Variants in ATIC observed in about 807,000 individuals in gnomAD.
The protein encoded by ATIC is bifunctional purine biosynthesis protein ATIC.
Under a neutral mutation model 72.5 loss-of-function variants are expected in ATIC, and 64 were observed. The ratio of observed to expected loss-of-function variants is 0.88; its 90% CI spans 0.72 to 1.09. ATIC has a LOEUF of 1.09. Ranked by LOEUF, ATIC falls within the 50% of genes least tolerant of loss-of-function variation. The pLI, the probability that ATIC is intolerant of heterozygous loss-of-function variation, is 0.00. For synonymous variants in ATIC, 281 were observed against 267.1 expected (o/e 1.05, Z -0.51); for missense variants, 787 against 732.4 (o/e 1.07, Z -0.86).
chr2:215,325,205 T>G (rs370646845), intron 4 of ATIC, 36 bp from the exon 5 acceptor site: 106 of 1,558,010 alleles, frequency 6.8e-5, no homozygotes, highest in Admixed American at 1.2e-4. Context: ...ATGAGTGGAC[T>G]TTTTAATGAC....
In ATIC at chr2:215,312,615, T is replaced by G; in HGVS notation, c.137T>G (p.Leu46Arg). 6.2e-7 allele frequency: 1 copy of G among 1,614,232 alleles called. No homozygotes were observed. The highest frequency in any genetic ancestry group is 8.5e-7 in the Non-Finnish European group (1 of 1,180,040). Residue 46 changes from leucine to arginine, a missense_variant, in exon 2 of 16, where the codon CTG becomes CGG. Transcript: ENST00000236959. ...GTAKALRDAG[L>R]AVRDVSELTG... ...GCAAAAGCTCTCAGGGATGCTGGTC[T>G]GGCAGTCAGGTAAGGCATAGCTAGT...
At chr2:215,361,915 T>C in the ATIC span, 1 of 1,605,970 alleles carries the variant, frequency 6.2e-7, no homozygotes, top group Non-Finnish European at 8.5e-7. Flanking sequence ...AAGATACCTG[T>C]AGAAAGAGAC....
At position 215,349,198 on chromosome 2, in the gene ATIC, C is replaced by A. The variant is rs141387695; in HGVS notation, c.1608C>A (p.Ile536=). The part of the protein sequence containing the change: ...EWVEKLTEVS[I]SSDAFFPFRD... ...TTGAGAAACTGACTGAAGTTTCTATCAGCTCTGATGCCTTCTTCCCTTTCC... is the reference window on the plus strand; with the variant it reads ...TTGAGAAACTGACTGAAGTTTCTATAAGCTCTGATGCCTTCTTCCCTTTCC... Residue 536 remains isoleucine (I), a synonymous_variant, in exon 15 of 16, where the codon ATC becomes ATA. Transcript: ENST00000236959. 4 of 1,614,058 alleles carry A rather than the reference C, an allele frequency of 2.5e-6. No individual in the cohort carries two copies. The African/African-American group carries it at 5.3e-5, about 22-fold the overall frequency.
intron 2 of ATIC, 144 bp downstream of exon 2, chr2:215,312,768 GA>G (rs2052668242): frequency 2.0e-5 from 26 of 1,324,764 alleles, no homozygotes; most frequent in South Asian, 6.4e-5. Flanking sequence ...ACTTTATGGG[GA>G]AAAAAAGTGA....
intron 13 of ATIC, among the ~76,000 whole-genome samples, chr2:215,346,521 G>A (rs1040756265): frequency 6.7e-6 from 1 of 149,674 alleles, no homozygotes; most frequent in African/African-American, 2.5e-5. Context: ...TTATTGAATT[G>A]TAGATTATTA....
In ATIC at chr2:215,337,431, A is replaced by G. The variant is rs188873015; in HGVS notation, c.1098+1307A>G. Among the ~76,000 whole-genome samples the G allele has an allele frequency of 5.6e-3, 852 of 152,116 alleles. 3 individuals are homozygous for G. The highest frequency in any genetic ancestry group is 7.8e-3 in the Non-Finnish European group (529 of 67,998). ...GCCCAGGCTAGAGTGCAGTGGTGTGATCTTGGCTCACTGCAACCTCTGCCT... is the reference window on the plus strand; with the variant it reads ...GCCCAGGCTAGAGTGCAGTGGTGTGGTCTTGGCTCACTGCAACCTCTGCCT... On this transcript the variant is annotated intron_variant, in intron 11 of 15. Coordinates refer to ENST00000236959, the MANE Select transcript of ATIC (RefSeq NM_004044.7).
intron 11 of ATIC, among the ~76,000 whole-genome samples, chr2:215,338,076 A>G (rs1227321914): frequency 6.6e-6 from 1 of 152,228 alleles, no homozygotes; most frequent in Non-Finnish European, 1.5e-5. Context: ...CTTATAAATT[A>G]TATGTCAGGG....
chr2:215,338,177 G>T (rs2052977641), intron 11 of ATIC, among the ~76,000 whole-genome samples: 2 of 152,160 alleles, frequency 1.3e-5, no homozygotes, highest in Non-Finnish European at 2.9e-5. Context: ...TACACGTATT[G>T]TTCCACACAC....
At position 215,322,316 on chromosome 2, in the gene ATIC, G is replaced by A. The variant is rs2052776521; in HGVS notation, c.290+2585G>A. 2.0e-5 allele frequency among the ~76,000 whole-genome samples: 3 copies of A among 147,394 alleles called. No homozygotes were observed. The South Asian group carries it at 6.4e-4, about 31-fold the overall frequency. Reference sequence around the variant, plus strand: ...AATCCTCAGTGATGAAGATTTTTGTGTATATTTTCTTTCTTTTTTTTTTTT... The same window carrying A: ...AATCCTCAGTGATGAAGATTTTTGTATATATTTTCTTTCTTTTTTTTTTTT... On this transcript the variant is annotated intron_variant, in intron 4 of 15. Coordinates refer to ENST00000236959, the MANE Select transcript of ATIC (RefSeq NM_004044.7).
At position 215,342,161 on chromosome 2, in the gene ATIC, A is replaced by C. The variant is rs546352229; in HGVS notation, c.1228-2618A>C. Among the ~76,000 whole-genome samples the C allele has an allele frequency of 2.0e-5, 3 of 152,318 alleles. No homozygotes were observed. In the East Asian group the frequency reaches 5.8e-4, roughly 29 times the overall value. ...TGAGATTTAGGTGGGGACACAGCCA[A>C]ACCGTATCACCAAGATTATCTTTGA... On this transcript the variant is annotated intron_variant, in intron 12 of 15. Coordinates refer to ENST00000236959, the MANE Select transcript of ATIC (RefSeq NM_004044.7).
downstream of ATIC, among the ~76,000 whole-genome samples, chr2:215,350,379 C>T (rs10932612): frequency 0.59 from 90,388 of 151,984 alleles, 27,021 homozygotes; most frequent in East Asian, 0.72. Flanking sequence ...ATGATCCACC[C>T]GCCCTGGCCT....
rs140306079 is a variant in ATIC, at chr2:215,337,969, A to C, written c.1099-810A>C. Among the ~76,000 whole-genome samples, 4 of 152,236 alleles carry C rather than the reference A, an allele frequency of 2.6e-5. No individual in the cohort carries two copies. The South Asian group carries it at 8.3e-4, about 31-fold the overall frequency. On this transcript the variant is annotated intron_variant, in intron 11 of 15. Coordinates refer to ENST00000236959, the MANE Select transcript of ATIC (RefSeq NM_004044.7). ...TCCTAGCATCAGTTAATAGGAGAGC[A>C]TATCAATTTTAGAAATTTTATAGTG...
chr2:215,361,618 A>AT, the ATIC span: 1 of 1,610,506 alleles, frequency 6.2e-7, no homozygotes, highest in South Asian at 1.1e-5. Flanking sequence ...CAATTGGGCA[A>AT]TTAACATTCT....
At chr2:215,346,279 A>C (rs1208994760) in intron 13 of ATIC, among the ~76,000 whole-genome samples, 1 of 152,124 alleles carries the variant, frequency 6.6e-6, no homozygotes, top group East Asian at 1.9e-4. Context: ...CTACCACTTC[A>C]GCCTCCTGAG....
intron 14 of ATIC, chr2:215,347,724 G>T (rs1463849446): frequency 6.3e-6 from 3 of 473,836 alleles, no homozygotes; most frequent in Non-Finnish European, 1.3e-5. Flanking sequence ...GGATTTTTCT[G>T]TTTGATATTA....
rs114313573 is a variant in ATIC, at chr2:215,321,239, G to A, written c.290+1508G>A. On this transcript the variant is annotated intron_variant, in intron 4 of 15. Transcript: ENST00000236959. ...TATAAATAGAATCTAACAATATATG[G>A]TTTTTTTGTTCCTGGCTTCTTTCAC... 4.1e-3 allele frequency among the ~76,000 whole-genome samples: 626 copies of A among 152,182 alleles called. 4 individuals carry two copies. Among genetic ancestry groups the A allele is most frequent in the African/African-American group, 0.014 (596 of 41,524 alleles).
Position 215,349,121 on chromosome 2 carries a change from C to T in ATIC, c.1531C>T (p.Leu511=). 6.2e-7 allele frequency: 1 copy of T among 1,614,050 alleles called. No individual in the cohort carries two copies. The highest frequency in any genetic ancestry group is 1.1e-5 in the South Asian group (1 of 91,086). Reference sequence around the variant, plus strand: ...TGAAGATTTGATAAAGTGGAAGGCACTGTTTGAGGAAGTCCCTGAGTTACT... The same window carrying T: ...TGAAGATTTGATAAAGTGGAAGGCATTGTTTGAGGAAGTCCCTGAGTTACT... ...EDEDLIKWKA[L]FEEVPELLTE... is the part of the protein sequence containing the mutation. The change falls in exon 15 of 16, where the codon CTG becomes TTG. Residue 511 remains leucine (L), a synonymous_variant. Transcript: ENST00000236959.
At position 215,325,968 on chromosome 2, in the gene ATIC, A is replaced by C. The variant is rs2177737; in HGVS notation, c.380-19A>C. The C allele has an allele frequency of 1, 1,613,580 of 1,613,760 alleles. 806,700 individuals are homozygous for C. Among genetic ancestry groups the C allele is most frequent in the Middle Eastern group, 1 (6,060 of 6,060 alleles). ...TGATAGGGACATACAAAAATCAATA[A>C]GTCTTTTGTTCTTCAAAGGTGGAGT... On this transcript the variant is annotated intron_variant, in intron 5 of 15. Coordinates refer to ENST00000236959, the MANE Select transcript of ATIC (RefSeq NM_004044.7).
At chr2:215,362,029 T>A in the ATIC span, 1 of 1,614,176 alleles carries the variant, frequency 6.2e-7, no homozygotes, top group Non-Finnish European at 8.5e-7. Context: ...CAGTAGTGCC[T>A]TCGGGACTGG....
Sources: allele counts gnomAD v4.1 joint callset (sites outside exome capture counted in the v4.1 genomes callset), GRCh38; gene constraint gnomAD v4.1.1; transcripts MANE v1.5; gene names NCBI Gene and HGNC (gene_info 2026-07-23, HGNC 2026-07-21).